Variants in MS4A1 observed in about 807,000 individuals in gnomAD.
MS4A1 encodes the protein B-lymphocyte antigen CD20.
Under a neutral mutation model 26.5 loss-of-function variants are expected in MS4A1, and 16 were observed. The observed-to-expected ratio is 0.60, with a 90% CI of 0.41 to 0.92. The LOEUF (loss-of-function observed/expected upper bound fraction) is 0.92. Among genes scored for constraint, MS4A1 ranks in the 40% least tolerant of loss-of-function variants. MS4A1 has a pLI of 0.00. For synonymous variants in MS4A1, 128 were observed against 117.6 expected (o/e 1.09, Z -0.57); for missense variants, 350 against 353.0 (o/e 0.99, Z 0.07).
At chr11:60,459,383 T>C (rs931581984) in intron 1 of MS4A1, among the ~76,000 whole-genome samples, 1 of 152,186 alleles carries the variant, frequency 6.6e-6, no homozygotes, top group African/African-American at 2.4e-5. Flanking sequence ...ATATAGTAGG[T>C]GCTCAGTAAA....
Position 60,468,559 on chromosome 11 carries a change from G to A in MS4A1, c.*91G>A, listed in dbSNP as rs903435668. On this transcript the variant is annotated 3_prime_UTR_variant, in exon 8 of 8. Transcript: ENST00000345732. ...TGACTTTCATTTCTTGAGGTACTCT[G>A]CACATACGCACCACATCTCTATCTG... 5.3e-6 allele frequency: 6 copies of A among 1,130,630 alleles called. No homozygotes were observed. In the African/African-American group the frequency reaches 7.7e-5, roughly 15 times the overall value. The allele number at this position is 1,130,630 out of a possible 1,614,324, so 70.0% of individuals were successfully genotyped here. A position where few individuals can be genotyped will look rare whatever the true frequency, so the allele number is the denominator to read the frequency against.
chr11:60,462,671 G>C (rs2086258317), intron 3 of MS4A1, 138 bp downstream of exon 3: 1 of 1,167,022 alleles, frequency 8.6e-7, no homozygotes, highest in Non-Finnish European at 1.3e-6. Context: ...GTCTAACACA[G>C]TGGGCCAAAT....
At chr11:60,456,473 T>C (rs1236262761) in intron 1 of MS4A1, among the ~76,000 whole-genome samples, 1 of 152,226 alleles carries the variant, frequency 6.6e-6, no homozygotes, top group East Asian at 1.9e-4. Context: ...CTACATTAAA[T>C]GTAAATATAC....
At chr11:60,467,091 C>T (rs181322021) in intron 7 of MS4A1, 31 bp downstream of exon 7, 2 of 1,545,702 alleles carry the variant, frequency 1.3e-6, no homozygotes, top group African/African-American at 1.4e-5. Flanking sequence ...CCAAAACCTC[C>T]CTCTAGAAAA....
At chr11:60,463,271 C>G in intron 4 of MS4A1, 150 bp downstream of exon 4, 1 of 1,147,520 alleles carries the variant, frequency 8.7e-7, no homozygotes, top group Non-Finnish European at 1.3e-6. Context: ...ACAGGTTGAC[C>G]AAATTGAGTA....
At chr11:60,467,359 C>A (rs563857308) in intron 7 of MS4A1, among the ~76,000 whole-genome samples, 2 of 150,352 alleles carry the variant, frequency 1.3e-5, no homozygotes, top group Non-Finnish European at 2.9e-5. Context: ...CCCAGTGCAA[C>A]CTCTGCCTCC....
chr11:60,462,224 G>A lies in MS4A1; in HGVS notation c.-151G>A, dbSNP rs199522190. On this transcript the variant is annotated 5_prime_UTR_variant, in exon 3 of 8. Transcript: ENST00000345732. ...CCTTGCCTCAGATCCAAGGTCACTCGGAAGAGGCCATGTCTACCCTCAATG... is the reference window on the plus strand; with the variant it reads ...CCTTGCCTCAGATCCAAGGTCACTCAGAAGAGGCCATGTCTACCCTCAATG... The A allele has an allele frequency of 1.0e-4, 84 of 835,622 alleles. No homozygotes were observed. The highest frequency in any genetic ancestry group is 3.8e-4 in the Admixed American group (19 of 50,274). The allele number at this position is 835,622 out of a possible 1,614,324, so 51.8% of individuals were successfully genotyped here.
Position 60,466,943 on chromosome 11 carries a change from T to G in MS4A1, c.574-16T>G, listed in dbSNP as rs779849549. The G allele has an allele frequency of 1.2e-6, 2 of 1,611,358 alleles. No individual in the cohort carries two copies. Among genetic ancestry groups the G allele is most frequent in the Non-Finnish European group, 1.7e-6 (2 of 1,177,456 alleles). ...CATTATTACATTTTCACCTTCATTC[T>G]TCTGTTGTTTTTCAGGGCATTTTGT... On this transcript the variant is annotated splice_polypyrimidine_tract_variant and intron_variant, in intron 6 of 7. Transcript: ENST00000345732.
In MS4A1 at chr11:60,464,342, T is replaced by C. The variant is rs1472951650; in HGVS notation, c.334T>C (p.Leu112=). ...AATEKNSRKC[L]VKGKMIMNSL... is the part of the protein sequence containing the mutation. ...AACGGAGAAAAACTCCAGGAAGTGT[T>C]TGGCAAGTAACCATATGTCCTTCTT... Residue 112 remains leucine (L), a splice_region_variant and synonymous_variant, in exon 5 of 8, where the codon TTG becomes CTG. Coordinates refer to ENST00000345732, the MANE Select transcript of MS4A1 (RefSeq NM_152866.3). 2 of 1,613,410 alleles carry C rather than the reference T, an allele frequency of 1.2e-6. No individual in the cohort carries two copies. Among genetic ancestry groups the C allele is most frequent in the Non-Finnish European group, 1.7e-6 (2 of 1,179,610 alleles).
rs542829960 is a variant in MS4A1 at position 60,466,432 on chromosome 11, A to G, written c.573+275A>G. Among the ~76,000 whole-genome samples the G allele has an allele frequency of 7.2e-5, 11 of 152,372 alleles. No individual in the cohort carries two copies. The East Asian group carries it at 1.2e-3, about 16-fold the overall frequency. On this transcript the variant is annotated intron_variant, in intron 6 of 7. Transcript: ENST00000345732. Reference sequence around the variant, plus strand: ...AGTGTTTGGTACACAGAAGTGCTATATAAGCATTGGCTTTAACATTAATTA... The same window carrying G: ...AGTGTTTGGTACACAGAAGTGCTATGTAAGCATTGGCTTTAACATTAATTA...
chr11:60,464,410 T>C (rs1590845935), intron 5 of MS4A1, 66 bp downstream of exon 5: 2 of 1,475,290 alleles, frequency 1.4e-6, no homozygotes, highest in East Asian at 4.5e-5. Context: ...GGTTAAAAAC[T>C]GAGACCCTTA....
intron 1 of MS4A1, among the ~76,000 whole-genome samples, chr11:60,458,995 G>A (rs1212338326): frequency 1.3e-5 from 2 of 151,516 alleles, no homozygotes; most frequent in African/African-American, 2.4e-5. Context: ...CACACACACA[G>A]CCCTCATGGT....
chr11:60,469,861 T>TGCCCA lies in MS4A1; in HGVS notation c.*1394_*1395insCCCAG, dbSNP rs2086328991. The TGCCCA allele has an allele frequency of 6.6e-6, 1 of 152,082 alleles. No homozygotes were observed. The highest frequency in any genetic ancestry group is 2.4e-5 in the African/African-American group (1 of 41,432). 9.4% of individuals were successfully genotyped at this position (152,082 alleles called of 1,614,324 possible). A position where few individuals can be genotyped will look rare whatever the true frequency, so the allele number is the denominator to read the frequency against. On this transcript the variant is annotated 3_prime_UTR_variant, in exon 8 of 8. Coordinates refer to ENST00000345732, the MANE Select transcript of MS4A1 (RefSeq NM_152866.3). ...GTCTATTATTTGGGCATTTGCTACA[T>TGCCCA]GATGAGTGCTGCCAGATTGTGGCAG...
chr11:60,459,042 T>C (rs2086227165), intron 1 of MS4A1, among the ~76,000 whole-genome samples: 1 of 152,094 alleles, frequency 6.6e-6, no homozygotes, highest in South Asian at 2.1e-4. Flanking sequence ...ATAGCCCAAG[T>C]AGAATTGGCT....
At position 60,467,006 on chromosome 11, in the gene MS4A1, A is replaced by C; in HGVS notation, c.621A>C (p.Val207=). Residue 207 remains valine, a synonymous_variant, in exon 7 of 8, where the codon GTA becomes GTC. Transcript: ENST00000345732. The stretch of plus-strand genomic sequence containing the variant: ...TCTTTGCCTTCTTCCAGGAACTTGT[A>C]ATAGCTGGCATCGTTGAGAATGAAT... ...MLIFAFFQEL[V]IAGIVENEWK... 6.2e-7 allele frequency: 1 copy of C among 1,614,184 alleles called. No individual in the cohort carries two copies. Among genetic ancestry groups the C allele is most frequent in the Non-Finnish European group, 8.5e-7 (1 of 1,180,024 alleles).
intron 4 of MS4A1, 34 bp from the exon 5 acceptor site, chr11:60,464,254 C>T (rs201552212): frequency 1.3e-6 from 2 of 1,491,350 alleles, no homozygotes; most frequent in South Asian, 1.1e-5. Flanking sequence ...CTTGCCCACC[C>T]CCTCTCCATC....
chr11:60,465,903 T>C lies in MS4A1; in HGVS notation c.337-18T>C. On this transcript the variant is annotated intron_variant, in intron 5 of 7. Transcript: ENST00000345732. ...AGGGAAATCAAACCCAATTAATAAA[T>C]CTGTGTCTCCATTTCAGGTCAAAGG... 1 of 1,583,302 alleles carries C rather than the reference T, an allele frequency of 6.3e-7. No homozygotes were observed. The highest frequency in any genetic ancestry group is 8.7e-7 in the Non-Finnish European group (1 of 1,152,984).
intron 1 of MS4A1, among the ~76,000 whole-genome samples, chr11:60,456,659 A>AT (rs1353926180): frequency 6.6e-6 from 1 of 152,194 alleles, no homozygotes; most frequent in Non-Finnish European, 1.5e-5. Context: ...TAATCATGCC[A>AT]TTACTGTTTT....
At position 60,464,309 on chromosome 11, in the gene MS4A1, C is replaced by G. The variant is rs2086272759; in HGVS notation, c.301C>G (p.Leu101Val). ...GIMYIISGSL[L>V]AATEKNSRKC... ...ACAGTATATTATTTCCGGATCACTC[C>G]TGGCAGCAACGGAGAAAAACTCCAG... Residue 101 changes from leucine to valine, a missense_variant, in exon 5 of 8, where the codon CTG (leucine) becomes GTG (valine). Transcript: ENST00000345732. 6.2e-7 allele frequency: 1 copy of G among 1,612,428 alleles called. No homozygotes were observed.
Sources: gnomAD v4.1 joint callset for allele counts (sites outside exome capture counted in the v4.1 genomes callset) on GRCh38, gnomAD v4.1.1 for gene constraint, MANE v1.5 for transcripts, NCBI Gene and HGNC (gene_info 2026-07-23, HGNC 2026-07-21) for gene names.